Variants in CD83 observed in about 807,000 individuals in gnomAD.
CD83 encodes the protein CD83 antigen.
In CD83, 22 loss-of-function variants were observed where a neutral mutation model predicts 24.6. The observed-to-expected ratio is 0.90, with a 90% CI of 0.64 to 1.28. The LOEUF (loss-of-function observed/expected upper bound fraction) is 1.28. Among genes scored for constraint, CD83 ranks in the 50% most tolerant of loss-of-function variants. The pLI, the probability that CD83 is intolerant of heterozygous loss-of-function variation, is 0.00. For missense variants in CD83, 253 were observed against 252.8 expected, an observed-to-expected ratio of 1.00 and a Z score of -0.01; for synonymous variants, 101 against 103.5, an observed-to-expected ratio of 0.98 and a Z score of 0.14.
At chr6:14,117,409 C>G (rs1014436760), upstream of CD83, 1 of 152,144 alleles carries the variant, frequency 6.6e-6, no homozygotes, top group East Asian at 1.9e-4. This position sits in a 1 kb window ranked among gnomAD's most constrained non-coding sequence, Gnocchi z 4.6. Flanking sequence ...CGGTTCCCGG[C>G]TTCCTTTTGC....
intron 2 of CD83, among the ~76,000 whole-genome samples, chr6:14,118,277 G>A (rs1022387741): frequency 2.6e-5 from 4 of 152,110 alleles, no homozygotes; most frequent in African/African-American, 9.7e-5. Flanking sequence ...GCTCTCCGCA[G>A]ACCTCAATCC....
chr6:14,133,506 G>GTC (rs1419401574), intron 3 of CD83, 143 bp from the exon 4 acceptor site: 1 of 614,480 alleles, frequency 1.6e-6, no homozygotes, highest in African/African-American at 1.8e-5. Context: ...CACCTTCACT[G>GTC]TCACTGTTAC....
Position 14,133,766 on chromosome 6 carries a change from T to G in CD83, c.489+11T>G. 2.0e-6 allele frequency: 3 copies of G among 1,499,282 alleles called. No homozygotes were observed. Among genetic ancestry groups the G allele is most frequent in the Non-Finnish European group, 2.8e-6 (3 of 1,081,556 alleles). The allele number at this position is 1,499,282 out of a possible 1,614,324, so 92.9% of individuals were successfully genotyped here. A position where few individuals can be genotyped will look rare whatever the true frequency, so the allele number is the denominator to read the frequency against. On this transcript the variant is annotated intron_variant, in intron 4 of 4. Coordinates refer to ENST00000379153, the MANE Select transcript of CD83 (RefSeq NM_004233.4). ...ATCATTTTCACTTGTGTAAGTATCT[T>G]CTTAAAACATCTTCTCTTATTAAAA...
chr6:14,129,046 T>G lies in CD83; in HGVS notation c.154-2474T>G, dbSNP rs1759886295. ...CCAGAGGGGTTCACAGTGTTGATCTTGACTTTCAGATGGGCCTTTCTGAGC... is the reference window on the plus strand; with the variant it reads ...CCAGAGGGGTTCACAGTGTTGATCTGGACTTTCAGATGGGCCTTTCTGAGC... On this transcript the variant is annotated intron_variant, in intron 2 of 4. Transcript: ENST00000379153. This position sits in a 1 kb window ranked among gnomAD's most constrained non-coding sequence, Gnocchi z 4.3. Among the ~76,000 whole-genome samples, 1 of 151,780 alleles carries G rather than the reference T, an allele frequency of 6.6e-6. No individual in the cohort carries two copies. Among genetic ancestry groups the G allele is most frequent in the African/African-American group, 2.4e-5 (1 of 41,258 alleles).
intron 2 of CD83, among the ~76,000 whole-genome samples, chr6:14,126,525 C>G (rs1009954585): frequency 5.3e-5 from 8 of 152,176 alleles, no homozygotes; most frequent in Non-Finnish European, 1.2e-4. Flanking sequence ...TGCCTGTGCT[C>G]TTAATTATGT....
At chr6:14,118,399 C>T (rs2113383032) in intron 2 of CD83, among the ~76,000 whole-genome samples, 1 of 152,244 alleles carries the variant, frequency 6.6e-6, no homozygotes, top group South Asian at 2.1e-4. Flanking sequence ...TGTGGGCCAG[C>T]AGGTCAGGAA....
upstream of CD83, chr6:14,117,734 A>G: frequency 9.3e-7 from 1 of 1,075,110 alleles, no homozygotes; most frequent in Non-Finnish European, 1.2e-6. This position sits in a 1 kb window ranked among gnomAD's most constrained non-coding sequence, Gnocchi z 4.6. Context: ...AAGTTCCCGA[A>G]CGCGCGGGCA....
In CD83 at chr6:14,120,691, C is replaced by T. The variant is rs753650006; in HGVS notation, c.153+2626C>T. On this transcript the variant is annotated intron_variant, in intron 2 of 4. Transcript: ENST00000379153. ...TCATAAGTATGGTTATAATGACTCA[C>T]AATTTAAAATTCTATTCACCACTCA... Among the ~76,000 whole-genome samples the T allele has an allele frequency of 3.3e-5, 5 of 152,362 alleles. 1 individual carries two copies. In the South Asian group the frequency reaches 8.3e-4, roughly 25 times the overall value.
intron 2 of CD83, among the ~76,000 whole-genome samples, chr6:14,118,882 T>C (rs2113383991): frequency 6.6e-6 from 1 of 152,346 alleles, no homozygotes; most frequent in East Asian, 1.9e-4. Context: ...CCACAGCACC[T>C]CCATTTTAAC....
chr6:14,124,997 T>A (rs1458888364), intron 2 of CD83, among the ~76,000 whole-genome samples: 2 of 152,176 alleles, frequency 1.3e-5, no homozygotes, highest in Non-Finnish European at 2.9e-5. Context: ...GAAAGCTATT[T>A]GAAGACAGAC....
chr6:14,126,408 A>G (rs1759815140), intron 2 of CD83, among the ~76,000 whole-genome samples: 1 of 152,146 alleles, frequency 6.6e-6, no homozygotes. Context: ...GATCACCCCC[A>G]GATTCCAGTG....
chr6:14,117,974 C>CG lies in CD83; in HGVS notation c.64dup (p.Glu22GlyfsTer36). 1 of 1,610,046 alleles carries CG rather than the reference C, an allele frequency of 6.2e-7. No individual in the cohort carries two copies. The highest frequency in any genetic ancestry group is 8.5e-7 in the Non-Finnish European group (1 of 1,179,100). On this transcript the variant is annotated frameshift_variant, in exon 2 of 5. Coordinates refer to ENST00000379153, the MANE Select transcript of CD83 (RefSeq NM_004233.4). LOFTEE classifies it high-confidence loss of function. This position sits in a 1 kb window ranked among gnomAD's most constrained non-coding sequence, Gnocchi z 4.6. ...GCCTACAGCCTGGCTCCCGCGACGC[C>CG]GGAGGTGAAGGTGGCTTGCTCCGAA... is the stretch of plus-strand genomic sequence containing the variant.
intron 2 of CD83, among the ~76,000 whole-genome samples, chr6:14,121,830 G>A (rs902416321): frequency 3.9e-5 from 6 of 152,084 alleles, no homozygotes; most frequent in Non-Finnish European, 5.9e-5. Context: ...CATGAAAAGC[G>A]TCGCTGTGTC....
At position 14,131,570 on chromosome 6, in the gene CD83, C is replaced by T; in HGVS notation, c.204C>T (p.Leu68=). ...ERMETPQEDH[L]RGQHYHQKGQ... ...TGGAGACACCCCAGGAAGACCACCT[C>T]AGGGGACAGCACTATCATCAGAAGG... is the stretch of plus-strand genomic sequence containing the variant. The change falls in exon 3 of 5, where the codon CTC becomes CTT. Residue 68 remains leucine (L), a synonymous_variant. Transcript: ENST00000379153. The T allele has an allele frequency of 1.2e-6, 2 of 1,614,150 alleles. No individual in the cohort carries two copies. Among genetic ancestry groups the T allele is most frequent in the Non-Finnish European group, 8.5e-7 (1 of 1,180,026 alleles).
In CD83 at chr6:14,117,828, A is replaced by G; in HGVS notation, c.17A>G (p.Gln6Arg). 6.4e-7 allele frequency: 1 copy of G among 1,570,790 alleles called. No individual in the cohort carries two copies. The highest frequency in any genetic ancestry group is 8.6e-7 in the Non-Finnish European group (1 of 1,165,866). Reference protein sequence around the residue: MSRGLQLLLLSCAYSL... With the variant: MSRGLRLLLLSCAYSL... ...GCTCCAGCCATGTCGCGCGGCCTCC[A>G]GCTTCTGCTCCTGAGCTGCGGTAGG... is the stretch of plus-strand genomic sequence containing the variant. The change falls in exon 1 of 5, where the codon CAG (glutamine) becomes CGG (arginine). Residue 6 changes from glutamine (Q) to arginine (R), a missense_variant. By Grantham distance (43) the Gln-to-Arg change is conservative (BLOSUM62 1). Coordinates refer to ENST00000379153, the MANE Select transcript of CD83 (RefSeq NM_004233.4). This position sits in a 1 kb window ranked among gnomAD's most constrained non-coding sequence, Gnocchi z 4.6.
At chr6:14,118,691 A>G (rs911440800) in intron 2 of CD83, among the ~76,000 whole-genome samples, 1 of 152,156 alleles carries the variant, frequency 6.6e-6, no homozygotes, top group Non-Finnish European at 1.5e-5. Context: ...CGGAGCCCGC[A>G]TGTGTAAGAA....
chr6:14,118,022 C>G lies in CD83; in HGVS notation c.110C>G (p.Ala37Gly). ...GAAGATGTGGACTTGCCCTGCACCGCCCCCTGGGATCCGCAGGTTCCCTAC... is the reference window on the plus strand; with the variant it reads ...GAAGATGTGGACTTGCCCTGCACCGGCCCCTGGGATCCGCAGGTTCCCTAC... ...CSEDVDLPCT[A>G]PWDPQVPYTV... The change falls in exon 2 of 5, where the codon GCC becomes GGC. Residue 37 changes from alanine to glycine, a missense_variant. Transcript: ENST00000379153. 6.2e-7 allele frequency: 1 copy of G among 1,610,534 alleles called. No individual in the cohort carries two copies. Among genetic ancestry groups the G allele is most frequent in the Non-Finnish European group, 8.5e-7 (1 of 1,178,954 alleles).
In CD83 at chr6:14,129,704, C is replaced by G. The variant is rs956788937; in HGVS notation, c.154-1816C>G. On this transcript the variant is annotated intron_variant, in intron 2 of 4. Transcript: ENST00000379153. This position sits in a 1 kb window ranked among gnomAD's most constrained non-coding sequence, Gnocchi z 4.3. ...AGCTGAGCAGGTTTTCTTGCAGGAGCGATCAATCTGCCACCAGATGTCTCT... is the reference window on the plus strand; with the variant it reads ...AGCTGAGCAGGTTTTCTTGCAGGAGGGATCAATCTGCCACCAGATGTCTCT... Among the ~76,000 whole-genome samples the G allele has an allele frequency of 6.6e-6, 1 of 152,110 alleles. No individual in the cohort carries two copies. Among genetic ancestry groups the G allele is most frequent in the African/African-American group, 2.4e-5 (1 of 41,416 alleles).
chr6:14,120,517 TA>T lies in CD83; in HGVS notation c.153+2453del, dbSNP rs1759647888. On this transcript the variant is annotated intron_variant, in intron 2 of 4. Coordinates refer to ENST00000379153, the MANE Select transcript of CD83 (RefSeq NM_004233.4). ...TAACCAGAACCAGCTTATCCCATCC[TA>T]CTCACTTCATCATCACTACCCTGGC... Among the ~76,000 whole-genome samples, 3 of 152,338 alleles carry T rather than the reference TA, an allele frequency of 2.0e-5. No individual in the cohort carries two copies. In the East Asian group the frequency reaches 5.8e-4, roughly 29 times the overall value.
Sources: allele counts gnomAD v4.1 joint callset (sites outside exome capture counted in the v4.1 genomes callset), GRCh38; gene constraint gnomAD v4.1.1; non-coding constraint Gnocchi (gnomAD v3.1); transcripts MANE v1.5; gene names NCBI Gene and HGNC (gene_info 2026-07-23, HGNC 2026-07-21).